Variants in GPC3 observed in about 807,000 individuals in gnomAD.
The protein encoded by GPC3 is glypican 3.
In GPC3, 3 loss-of-function variants were observed where a neutral mutation model predicts 34.4. The ratio of observed to expected loss-of-function variants is 0.09; its 90% CI spans 0.04 to 0.23. GPC3 has a LOEUF of 0.23. GPC3 is among the 10% of genes least tolerant of loss of function. The pLI is 1.00. For synonymous variants in GPC3, 177 were observed against 174.0 expected, an observed-to-expected ratio of 1.02 and a Z score of -0.13; for missense variants, 351 against 445.6, an observed-to-expected ratio of 0.79 and a Z score of 1.91.
chrX:133,943,312 G>A (rs1231736585), intron 2 of GPC3, among the ~76,000 whole-genome samples: 1 of 112,341 alleles, frequency 8.9e-6, no homozygotes, highest in Non-Finnish European at 1.9e-5. Context: ...TGACTTAAAA[G>A]ACTATCTATT....
intron 7 of GPC3, among the ~76,000 whole-genome samples, chrX:133,547,411 G>A (rs186972277): frequency 1.8e-5 from 2 of 111,358 alleles, no homozygotes; most frequent in African/African-American, 6.5e-5. Flanking sequence ...CCTAAGGGGA[G>A]TGCACCACTA....
chrX:133,799,182 A>G, intron 2 of GPC3, among the ~76,000 whole-genome samples: 1 of 111,705 alleles, frequency 9.0e-6, no homozygotes, highest in Non-Finnish European at 1.9e-5. Context: ...ACTTGAGGCC[A>G]CGTGTTTGAA....
intron 4 of GPC3, 118 bp from the exon 5 acceptor site, chrX:133,692,612 A>T: frequency 1.7e-6 from 1 of 590,255 alleles, no homozygotes; most frequent in Non-Finnish European, 2.8e-6. Context: ...GCAATAAATG[A>T]CTTTTAAAGA....
chrX:133,972,723 G>T (rs2064560850), intron 1 of GPC3, among the ~76,000 whole-genome samples: 1 of 112,317 alleles, frequency 8.9e-6, no homozygotes, highest in Non-Finnish European at 1.9e-5. Flanking sequence ...CACTTAATTT[G>T]GGTGTGGGAT....
At chrX:133,731,100 A>G (rs922782321) in intron 3 of GPC3, among the ~76,000 whole-genome samples, 1 of 112,673 alleles carries the variant, frequency 8.9e-6, no homozygotes, top group East Asian at 2.8e-4. Flanking sequence ...AGAGATGAGG[A>G]GAAAATTTTG....
intron 2 of GPC3, among the ~76,000 whole-genome samples, chrX:133,830,127 T>C (rs1041258735): frequency 9.0e-6 from 1 of 111,683 alleles, no homozygotes; most frequent in Non-Finnish European, 1.9e-5. Flanking sequence ...TTAAGTCCTA[T>C]TGGAAAGCTC....
intron 3 of GPC3, among the ~76,000 whole-genome samples, chrX:133,703,378 G>C (rs191287361): frequency 9.0e-5 from 10 of 110,915 alleles, no homozygotes; most frequent in African/African-American, 3.0e-4. Flanking sequence ...CTTTTGACAA[G>C]GAAAGCAATA....
intron 7 of GPC3, among the ~76,000 whole-genome samples, chrX:133,581,104 C>T (rs2069727571): frequency 8.9e-6 from 1 of 112,618 alleles, no homozygotes; most frequent in Admixed American, 9.4e-5. Context: ...CACCTGGGTG[C>T]TCCAGTGAAT....
At chrX:133,877,077 T>C (rs1247235365) in intron 2 of GPC3, among the ~76,000 whole-genome samples, 1 of 111,916 alleles carries the variant, frequency 8.9e-6, no homozygotes, top group Non-Finnish European at 1.9e-5. Context: ...AAAATCACTT[T>C]AGGCTATTAT....
At chrX:133,751,912 A>G (rs1257146394) in intron 3 of GPC3, among the ~76,000 whole-genome samples, 1 of 110,736 alleles carries the variant, frequency 9.0e-6, no homozygotes, top group African/African-American at 3.3e-5. Flanking sequence ...TTTTTGAGGC[A>G]GGGTCTCACT....
chrX:133,760,806 G>C (rs939632301), intron 2 of GPC3, among the ~76,000 whole-genome samples: 9 of 111,277 alleles, frequency 8.1e-5, no homozygotes, highest in Non-Finnish European at 1.5e-4. Context: ...TATCAATATT[G>C]GTTCATTAAT....
chrX:133,736,401 A>T (rs1457481634), intron 3 of GPC3, among the ~76,000 whole-genome samples: 1 of 112,230 alleles, frequency 8.9e-6, no homozygotes, highest in Non-Finnish European at 1.9e-5. Flanking sequence ...GATGAAACAT[A>T]CATCCACACA....
intron 2 of GPC3, among the ~76,000 whole-genome samples, chrX:133,866,872 C>T (rs1372518187): frequency 1.8e-5 from 2 of 111,079 alleles, no homozygotes; most frequent in African/African-American, 3.3e-5. Context: ...TATTCTCTCT[C>T]AGGCTCCTAG....
chrX:133,892,464 T>C (rs951139078), intron 2 of GPC3, among the ~76,000 whole-genome samples: 1 of 111,402 alleles, frequency 9.0e-6, no homozygotes, highest in South Asian at 3.8e-4. Context: ...ACAAGTCAAA[T>C]ACCTTCCTGA....
intron 2 of GPC3, among the ~76,000 whole-genome samples, chrX:133,794,170 T>C (rs1438593186): frequency 8.9e-6 from 1 of 112,242 alleles, no homozygotes; most frequent in Non-Finnish European, 1.9e-5. Flanking sequence ...TTTATCCCAA[T>C]TGCCCTGGAT....
chrX:133,810,325 T>C (rs1176870815), intron 2 of GPC3, among the ~76,000 whole-genome samples: 1 of 112,278 alleles, frequency 8.9e-6, no homozygotes, highest in East Asian at 2.8e-4. Context: ...CTTTCTATAA[T>C]ATCTAATTGG....
chrX:133,619,588 A>C (rs1430563096), intron 6 of GPC3, among the ~76,000 whole-genome samples: 2 of 111,898 alleles, frequency 1.8e-5, no homozygotes, highest in Non-Finnish European at 3.8e-5. Context: ...AAAAAAAACT[A>C]TATATGATAT....
At position 133,782,398 on chromosome X, in the gene GPC3, G is replaced by A. The variant is rs375505725; in HGVS notation, c.338-28222C>T. On this transcript the variant is annotated intron_variant, in intron 2 of 7. Coordinates refer to ENST00000370818, the MANE Select transcript of GPC3 (RefSeq NM_004484.4). ...ATGTAAATCTGAGGTTAGCATTTAC[G>A]GAACACAAGGAAAAGACAAGGCCAA... Among the ~76,000 whole-genome samples, 43 of 111,922 alleles carry A rather than the reference G, an allele frequency of 3.8e-4. 4 individuals are homozygous for A. In the East Asian group the frequency reaches 4.5e-3, roughly 12 times the overall value.
chrX:133,600,349 C>T (rs766665744), intron 6 of GPC3, among the ~76,000 whole-genome samples: 1 of 112,031 alleles, frequency 8.9e-6, no homozygotes, highest in South Asian at 3.7e-4. Flanking sequence ...AGACACATAG[C>T]TAATCTTTGA....
Sources: gnomAD v4.1 joint callset for allele counts (sites outside exome capture counted in the v4.1 genomes callset) on GRCh38, gnomAD v4.1.1 for gene constraint, MANE v1.5 for transcripts, NCBI Gene and HGNC (gene_info 2026-07-23, HGNC 2026-07-21) for gene names.